The following NDUFAF2 variants were observed in gnomAD, a reference collection of about 807,000 sequenced individuals.
The protein encoded by NDUFAF2 is NADH:ubiquinone oxidoreductase complex assembly factor 2.
A neutral mutation model predicts 22.8 loss-of-function variants in NDUFAF2; 13 were observed. The observed-to-expected ratio is 0.57, with a 90% CI of 0.37 to 0.91. The LOEUF (loss-of-function observed/expected upper bound fraction) is 0.91. Among genes scored for constraint, NDUFAF2 ranks in the 40% least tolerant of loss-of-function variants. The probability of loss-of-function intolerance (pLI) is 0.01; values close to 1 mark genes in which losing one functional copy is unlikely to be tolerated. For synonymous variants in NDUFAF2, 53 were observed against 64.2 expected, an observed-to-expected ratio of 0.83 and a Z score of 0.84; for missense variants, 162 against 195.2, an observed-to-expected ratio of 0.83 and a Z score of 1.01.
intron 1 of NDUFAF2, among the ~76,000 whole-genome samples, chr5:61,050,052 G>A (rs1752005590): frequency 6.6e-6 from 1 of 151,886 alleles, no homozygotes; most frequent in Non-Finnish European, 1.5e-5. Flanking sequence ...ATATCTTTTC[G>A]AGACTCTGCT....
intron 1 of NDUFAF2, among the ~76,000 whole-genome samples, chr5:60,950,256 G>C (rs1750526325): frequency 6.6e-6 from 1 of 151,936 alleles, no homozygotes; most frequent in Non-Finnish European, 1.5e-5. Context: ...GCGTGATCTT[G>C]GCTCATTGCA....
At chr5:61,045,390 G>A (rs1050889460) in intron 1 of NDUFAF2, among the ~76,000 whole-genome samples, 1 of 149,926 alleles carries the variant, frequency 6.7e-6, no homozygotes, top group African/African-American at 2.4e-5. Context: ...ATAGTCTTCA[G>A]TGTGCAGGTT....
chr5:61,047,187 C>A (rs983996516), intron 1 of NDUFAF2, among the ~76,000 whole-genome samples: 4 of 152,082 alleles, frequency 2.6e-5, no homozygotes, highest in Non-Finnish European at 5.9e-5. Flanking sequence ...AGTATTAATA[C>A]AAACTGATAG....
chr5:61,074,061 C>A (rs1418876773), intron 2 of NDUFAF2, among the ~76,000 whole-genome samples: 1 of 152,214 alleles, frequency 6.6e-6, no homozygotes, highest in East Asian at 1.9e-4. Flanking sequence ...AATGGCACCT[C>A]ATAACCATGT....
intron 1 of NDUFAF2, among the ~76,000 whole-genome samples, chr5:60,993,736 T>A (rs1751191409): frequency 6.6e-6 from 1 of 151,884 alleles, no homozygotes; most frequent in Admixed American, 6.6e-5. Flanking sequence ...TGTCTGTAGC[T>A]CTCAGCAGAG....
At chr5:60,945,414 G>C (rs77149936) in intron 1 of NDUFAF2, 32 bp downstream of exon 1, 50,592 of 1,614,076 alleles carry the variant, frequency 0.031, 938 homozygotes, top group Middle Eastern at 0.06. Flanking sequence ...CGATTGCGTG[G>C]TCAGTGATTG....
At chr5:60,971,532 C>T (rs1421061895) in intron 1 of NDUFAF2, among the ~76,000 whole-genome samples, 1 of 152,018 alleles carries the variant, frequency 6.6e-6, no homozygotes, top group Admixed American at 6.5e-5. Context: ...CGTGATCCGC[C>T]CGCCTCGGCC....
At chr5:61,042,507 T>A (rs1481795215) in intron 1 of NDUFAF2, among the ~76,000 whole-genome samples, 1 of 152,146 alleles carries the variant, frequency 6.6e-6, no homozygotes, top group Non-Finnish European at 1.5e-5. Context: ...AAAAATAATC[T>A]GAGAAAGGAT....
intron 1 of NDUFAF2, among the ~76,000 whole-genome samples, chr5:61,024,387 G>A (rs992240216): frequency 1.3e-5 from 2 of 151,960 alleles, no homozygotes; most frequent in African/African-American, 2.4e-5. Context: ...TGTGCCAAAG[G>A]ACGTTCTAGG....
chr5:61,134,495 C>G (rs765360022), intron 3 of NDUFAF2, among the ~76,000 whole-genome samples: 20 of 152,108 alleles, frequency 1.3e-4, no homozygotes, highest in Non-Finnish European at 2.4e-4. Context: ...ACCATCCTGG[C>G]TAACACAGTG....
At chr5:61,003,613 G>T (rs1751326940) in intron 1 of NDUFAF2, among the ~76,000 whole-genome samples, 1 of 148,976 alleles carries the variant, frequency 6.7e-6, no homozygotes, top group Non-Finnish European at 1.5e-5. Flanking sequence ...AAATATCCTG[G>T]ATGGCTGGGT....
At chr5:61,067,221 C>T (rs969576547) in intron 1 of NDUFAF2, among the ~76,000 whole-genome samples, 8 of 151,886 alleles carry the variant, frequency 5.3e-5, no homozygotes, top group Non-Finnish European at 1.2e-4. Context: ...AGGTTTGTTA[C>T]ATATGTATAC....
chr5:60,979,171 C>T (rs1434950339), intron 1 of NDUFAF2, among the ~76,000 whole-genome samples: 1 of 152,212 alleles, frequency 6.6e-6, no homozygotes, highest in Non-Finnish European at 1.5e-5. Context: ...CTAAGCAGTA[C>T]TCACTGCTGG....
intron 1 of NDUFAF2, among the ~76,000 whole-genome samples, chr5:60,960,097 A>C (rs1473385742): frequency 1.3e-5 from 2 of 152,156 alleles, no homozygotes; most frequent in African/African-American, 4.8e-5. Context: ...GAAATATGAA[A>C]CATTTTAACA....
chr5:61,040,286 A>ACACACACGCGCGCGCG (rs1491193758), intron 1 of NDUFAF2, among the ~76,000 whole-genome samples: 20 of 93,070 alleles, frequency 2.1e-4, no homozygotes, highest in Non-Finnish European at 3.1e-4. Flanking sequence ...ACACACACAC[A>ACACACACGCGCGCGCG]CGCGCGCGCG....
In NDUFAF2 at chr5:61,083,703, CAT is replaced by C. The variant is rs781256493; in HGVS notation, c.217+10490_217+10491del. Among the ~76,000 whole-genome samples, 5 of 151,582 alleles carry C rather than the reference CAT, an allele frequency of 3.3e-5. 1 individual carries two copies. Among genetic ancestry groups the C allele is most frequent in the Non-Finnish European group, 5.9e-5 (4 of 67,706 alleles). On this transcript the variant is annotated intron_variant, in intron 2 of 3. Coordinates refer to ENST00000296597, the MANE Select transcript of NDUFAF2 (RefSeq NM_174889.5). ...GTAGTTTTCAACTATAGATCTTGCA[CAT>C]GTTTTATTAAACTAATACCTAAGTG...
chr5:61,058,953 G>C (rs538064363), intron 1 of NDUFAF2, among the ~76,000 whole-genome samples: 1 of 151,946 alleles, frequency 6.6e-6, no homozygotes, highest in South Asian at 2.1e-4. Flanking sequence ...GAGTAGATCA[G>C]GTGTAATTGT....
intron 1 of NDUFAF2, among the ~76,000 whole-genome samples, chr5:60,991,514 G>A (rs568412197): frequency 7.6e-4 from 116 of 152,054 alleles, no homozygotes; most frequent in African/African-American, 2.7e-3. Context: ...GAGTTCAATT[G>A]TTTTGATTTT....
chr5:61,087,490 A>G (rs1268952327), intron 2 of NDUFAF2, among the ~76,000 whole-genome samples: 1 of 152,186 alleles, frequency 6.6e-6, no homozygotes, highest in Non-Finnish European at 1.5e-5. Context: ...AATTGATAAT[A>G]CCAACAAAAC....
Sources: gnomAD v4.1 joint callset for allele counts (sites outside exome capture counted in the v4.1 genomes callset) on GRCh38, gnomAD v4.1.1 for gene constraint, MANE v1.5 for transcripts, NCBI Gene and HGNC (gene_info 2026-07-23, HGNC 2026-07-21) for gene names.